STK39: variants seen among roughly 807,000 people sequenced by gnomAD.
STK39 encodes the protein STE20/SPS1-related proline-alanine-rich protein kinase.
Under a neutral mutation model 77.8 loss-of-function variants are expected in STK39, and 20 were observed. The ratio of observed to expected loss-of-function variants is 0.26; its 90% CI spans 0.18 to 0.37. STK39 has a LOEUF of 0.37. Among genes scored for constraint, STK39 ranks in the 10% least tolerant of loss-of-function variants. The pLI is 1.00. For missense variants in STK39, 479 were observed against 656.5 expected, an observed-to-expected ratio of 0.73 and a Z score of 2.95; for synonymous variants, 246 against 234.1, an observed-to-expected ratio of 1.05 and a Z score of -0.47.
At chr2:168,097,173 A>G (rs1442117648) in intron 10 of STK39, among the ~76,000 whole-genome samples, 1 of 152,246 alleles carries the variant, frequency 6.6e-6, no homozygotes, top group Non-Finnish European at 1.5e-5. Flanking sequence ...GAGTTCTACT[A>G]CATCATGGCT....
At chr2:168,115,449 G>A (rs936913788) in intron 10 of STK39, among the ~76,000 whole-genome samples, 3 of 152,136 alleles carry the variant, frequency 2.0e-5, no homozygotes, top group African/African-American at 7.2e-5. Context: ...AAGCAATCCT[G>A]TTCCTAGGAA....
intron 1 of STK39, among the ~76,000 whole-genome samples, chr2:168,192,167 C>T (rs1689355914): frequency 6.6e-6 from 1 of 152,168 alleles, no homozygotes; most frequent in Non-Finnish European, 1.5e-5. Context: ...TCCCTTCTCC[C>T]TCCCACAGCC....
intron 5 of STK39, 43 bp from the exon 6 acceptor site, chr2:168,140,801 T>A: frequency 6.8e-7 from 1 of 1,475,688 alleles, no homozygotes; most frequent in Non-Finnish European, 9.3e-7. Flanking sequence ...TGTAAGACAT[T>A]ATTGCTTATA....
At chr2:168,246,865 C>T (rs1690923291) in intron 1 of STK39, among the ~76,000 whole-genome samples, 1 of 151,778 alleles carries the variant, frequency 6.6e-6, no homozygotes, top group South Asian at 2.1e-4. Context: ...GTCCGCGTGG[C>T]CACCGGCCAC....
chr2:168,031,999 T>C (rs909489770), intron 14 of STK39, among the ~76,000 whole-genome samples: 2 of 152,164 alleles, frequency 1.3e-5, no homozygotes, highest in African/African-American at 4.8e-5. Context: ...CGGTTCCAAA[T>C]AAAGTAAATA....
intron 14 of STK39, among the ~76,000 whole-genome samples, chr2:168,062,239 G>A (rs1322190545): frequency 6.6e-6 from 1 of 152,166 alleles, no homozygotes; most frequent in Non-Finnish European, 1.5e-5. Context: ...CATGAGCCTG[G>A]CACAGAGCTC....
At chr2:168,159,815 A>T (rs1229141637) in intron 5 of STK39, among the ~76,000 whole-genome samples, 1 of 152,172 alleles carries the variant, frequency 6.6e-6, no homozygotes, top group African/African-American at 2.4e-5. Context: ...TGGAACACAA[A>T]GTCCTCAGCA....
At chr2:168,174,027 G>A (rs376045654) in intron 2 of STK39, among the ~76,000 whole-genome samples, 1 of 152,206 alleles carries the variant, frequency 6.6e-6, no homozygotes, top group African/African-American at 2.4e-5. Flanking sequence ...TTATTTTCAT[G>A]TGATTTGGTA....
intron 5 of STK39, among the ~76,000 whole-genome samples, chr2:168,156,030 C>A (rs1227337613): frequency 6.6e-6 from 1 of 152,182 alleles, no homozygotes; most frequent in Non-Finnish European, 1.5e-5. Context: ...GGGAAGTATC[C>A]AGTCTGAAGG....
chr2:168,127,949 C>T (rs1687588364), intron 10 of STK39, among the ~76,000 whole-genome samples: 1 of 151,856 alleles, frequency 6.6e-6, no homozygotes, highest in Admixed American at 6.6e-5. Context: ...ACATATAGTC[C>T]CAGGGTTCTG....
intron 2 of STK39, among the ~76,000 whole-genome samples, chr2:168,177,254 A>T (rs908078280): frequency 2.6e-5 from 4 of 152,056 alleles, no homozygotes; most frequent in African/African-American, 9.7e-5. Flanking sequence ...CATTTTTTTA[A>T]TGACACAAAT....
intron 12 of STK39, among the ~76,000 whole-genome samples, chr2:168,070,070 AAAG>A (rs1685899255): frequency 6.6e-6 from 1 of 152,354 alleles, no homozygotes; most frequent in African/African-American, 2.4e-5. Flanking sequence ...CCACTGGTCA[AAAG>A]AAGATCAATA....
chr2:168,054,247 G>C (rs1685467008), intron 14 of STK39, among the ~76,000 whole-genome samples: 1 of 152,228 alleles, frequency 6.6e-6, no homozygotes, highest in Non-Finnish European at 1.5e-5. Flanking sequence ...GGTCAGGGAA[G>C]AAGAACAAGG....
intron 10 of STK39, among the ~76,000 whole-genome samples, chr2:168,087,632 G>A (rs1305264695): frequency 6.6e-6 from 1 of 152,136 alleles, no homozygotes; most frequent in African/African-American, 2.4e-5. Context: ...TGCCTAGACC[G>A]CCCCCATAAA....
At chr2:167,970,340 T>C (rs7579964) in intron 16 of STK39, among the ~76,000 whole-genome samples, 84,524 of 152,068 alleles carry the variant, frequency 0.56, 23,873 homozygotes, top group Non-Finnish European at 0.58. Flanking sequence ...GTGCCTGACA[T>C]AGACGGATAT....
chr2:168,247,564 C>T lies in STK39; in HGVS notation c.-129G>A. The T allele has an allele frequency of 2.8e-6, 2 of 723,874 alleles. No individual in the cohort carries two copies. Among genetic ancestry groups the T allele is most frequent in the Non-Finnish European group, 3.5e-6 (2 of 563,426 alleles). The allele number at this position is 723,874 out of a possible 1,614,324, so 44.8% of individuals were successfully genotyped here. On this transcript the variant is annotated 5_prime_UTR_variant, in exon 1 of 18. Transcript: ENST00000355999. ...CCCCGCCCGCCGCCGCCGCCGCCGT[C>T]CCCGCCGAAGCCAGCTAGGAGGGGA...
At chr2:168,094,159 A>C (rs1307603333) in intron 10 of STK39, among the ~76,000 whole-genome samples, 1 of 152,166 alleles carries the variant, frequency 6.6e-6, no homozygotes, top group South Asian at 2.1e-4. Flanking sequence ...TTCCAGGCCA[A>C]GTCCTCCCCT....
chr2:168,169,171 G>A (rs1688761380), intron 2 of STK39, among the ~76,000 whole-genome samples: 1 of 152,042 alleles, frequency 6.6e-6, no homozygotes, highest in African/African-American at 2.4e-5. Flanking sequence ...CTTATCCTTT[G>A]AATAAGATCT....
chr2:168,117,075 T>C (rs1009399631), intron 10 of STK39, among the ~76,000 whole-genome samples: 4 of 152,224 alleles, frequency 2.6e-5, no homozygotes, highest in African/African-American at 9.7e-5. Context: ...ACAAAGTGCA[T>C]AATTCACAAT....
Sources: allele counts gnomAD v4.1 joint callset (sites outside exome capture counted in the v4.1 genomes callset), GRCh38; gene constraint gnomAD v4.1.1; transcripts MANE v1.5; gene names NCBI Gene and HGNC (gene_info 2026-07-23, HGNC 2026-07-21).